SIPA1L1: variants seen among roughly 807,000 people sequenced by gnomAD.
SIPA1L1 encodes signal-induced proliferation-associated 1-like protein 1.
SIPA1L1 carries 26 observed loss-of-function variants against 162.7 expected under a neutral mutation model. That is an observed-to-expected ratio of 0.16 (90% CI 0.12 to 0.22). The LOEUF is 0.22. Among genes scored for constraint, SIPA1L1 ranks in the 10% least tolerant of loss-of-function variants. The pLI is 1.00. For synonymous variants in SIPA1L1, 829 were observed against 837.4 expected, an observed-to-expected ratio of 0.99 and a Z score of 0.17; for missense variants, 1,874 against 2,241.0, an observed-to-expected ratio of 0.84 and a Z score of 3.31.
At chr14:71,621,555 C>G (rs985893480) in intron 6 of SIPA1L1, among the ~76,000 whole-genome samples, 4 of 152,208 alleles carry the variant, frequency 2.6e-5, no homozygotes, top group African/African-American at 2.4e-5. Flanking sequence ...CTTCCTTGAC[C>G]GCTGAATCTA....
In SIPA1L1 at chr14:71,739,237, A is replaced by G; in HGVS notation, c.*76A>G. The stretch of plus-strand genomic sequence containing the variant: ...GTCCTGCAGCCCTTATTCCCTCCAT[A>G]GAAAGCATCCTCAGAGCACCTTCCC... On this transcript the variant is annotated 3_prime_UTR_variant, in exon 24 of 24. Transcript: ENST00000381232. 1 of 1,420,608 alleles carries G rather than the reference A, an allele frequency of 7.0e-7. No individual in the cohort carries two copies. The allele number at this position is 1,420,608 out of a possible 1,614,324, so 88.0% of individuals were successfully genotyped here.
intron 4 of SIPA1L1, among the ~76,000 whole-genome samples, chr14:71,554,459 A>C (rs1254320361): frequency 6.6e-6 from 1 of 152,184 alleles, no homozygotes; most frequent in Non-Finnish European, 1.5e-5. Context: ...GTGAGAAAAG[A>C]TGTTCTTTTT....
intron 2 of SIPA1L1, among the ~76,000 whole-genome samples, chr14:71,446,894 GTTTTTTTTTTTGTTTTT>G (rs1348081347): frequency 6.9e-5 from 6 of 87,404 alleles, no homozygotes; most frequent in African/African-American, 1.7e-4. Context: ...GATGGGCTCT[GTTTTTTTTTTTGTTTTT>G]TTTTTTTTTT....
intron 10 of SIPA1L1, among the ~76,000 whole-genome samples, chr14:71,663,515 G>A (rs1198392519): frequency 1.3e-5 from 2 of 151,942 alleles, no homozygotes; most frequent in Admixed American, 1.3e-4. Context: ...AATATAATTT[G>A]ATATTCCTTG....
At chr14:71,574,779 T>A (rs1596216124) in intron 4 of SIPA1L1, 1 of 152,324 alleles carries the variant, frequency 6.6e-6, no homozygotes, top group East Asian at 1.9e-4. Flanking sequence ...TTGATTAATT[T>A]TTTTTCTAGT....
Position 71,511,099 on chromosome 14 carries a change from G to C in SIPA1L1, c.-464-1644G>C, listed in dbSNP as rs553890755. 2.0e-5 allele frequency among the ~76,000 whole-genome samples: 3 copies of C among 152,282 alleles called. No individual in the cohort carries two copies. In the South Asian group the frequency reaches 6.2e-4, roughly 32 times the overall value. On this transcript the variant is annotated intron_variant, in intron 2 of 23. Coordinates refer to ENST00000381232, the MANE Select transcript of SIPA1L1 (RefSeq NM_001386936.1). Reference sequence around the variant, plus strand: ...GATGCCTTTGTTCCCCAGGTGAATTGAATTAAAGTGCCTTTTTCCTTGTAT... The same window carrying C: ...GATGCCTTTGTTCCCCAGGTGAATTCAATTAAAGTGCCTTTTTCCTTGTAT...
intron 4 of SIPA1L1, among the ~76,000 whole-genome samples, chr14:71,577,069 C>CAA (rs747771194): frequency 0.018 from 1,963 of 111,346 alleles, 24 homozygotes; most frequent in Middle Eastern, 0.033. Context: ...GGTGACAGAG[C>CAA]AAAAAAAAAA....
chr14:71,422,753 C>T (rs2043282251), intron 2 of SIPA1L1, among the ~76,000 whole-genome samples: 1 of 152,242 alleles, frequency 6.6e-6, no homozygotes, highest in Admixed American at 6.5e-5. Flanking sequence ...GTGGCTTCCG[C>T]CTTTTAGCTA....
At chr14:71,329,422 T>A (rs1050366509) in intron 2 of SIPA1L1, among the ~76,000 whole-genome samples, 2 of 148,938 alleles carry the variant, frequency 1.3e-5, no homozygotes, top group African/African-American at 5.1e-5. Context: ...TATTTTCTGT[T>A]TTTTTTTTTT....
At chr14:71,671,788 T>C (rs1385797217) in intron 11 of SIPA1L1, 96 bp downstream of exon 11, 8 of 875,788 alleles carry the variant, frequency 9.1e-6, no homozygotes, top group East Asian at 7.8e-5. Flanking sequence ...TGCTCTGTTA[T>C]TAGCTCCTCT....
At chr14:71,459,046 T>G (rs2046389154) in intron 2 of SIPA1L1, among the ~76,000 whole-genome samples, 1 of 150,468 alleles carries the variant, frequency 6.6e-6, no homozygotes, top group African/African-American at 2.5e-5. Context: ...CATTCCAGCC[T>G]GGGCAACAGA....
intron 2 of SIPA1L1, among the ~76,000 whole-genome samples, chr14:71,333,578 G>C (rs1037765366): frequency 1.3e-5 from 2 of 152,204 alleles, no homozygotes; most frequent in African/African-American, 4.8e-5. Context: ...TGGAAGATTT[G>C]TTCTAGTCCT....
rs773419997 is a variant in SIPA1L1 at position 71,624,054 on chromosome 14, A to G, written c.1636A>G (p.Thr546Ala). The change falls in exon 7 of 24, where the codon ACA (threonine) becomes GCA (alanine). Residue 546 changes from threonine to alanine, a missense_variant. Transcript: ENST00000381232. ...RIIFRTSELM[T>A]LRGSVLEDAI... ...GCACCTGTCTCTCTTGCAGCTCATG[A>G]CACTGAGAGGTTCGGTCCTGGAGGA... 6.2e-7 allele frequency: 1 copy of G among 1,603,394 alleles called. No individual in the cohort carries two copies. The highest frequency in any genetic ancestry group is 1.3e-5 in the African/African-American group (1 of 74,874).
At chr14:71,460,919 C>T (rs1335003513) in intron 2 of SIPA1L1, among the ~76,000 whole-genome samples, 1 of 152,238 alleles carries the variant, frequency 6.6e-6, no homozygotes, top group East Asian at 1.9e-4. Context: ...TTCCACCGTT[C>T]TATCAATCCA....
intron 2 of SIPA1L1, among the ~76,000 whole-genome samples, chr14:71,390,626 G>GA (rs1303527781): frequency 2.0e-5 from 3 of 151,212 alleles, no homozygotes; most frequent in Admixed American, 1.3e-4. Context: ...AAAAAAAGAA[G>GA]AAAAAAAAAT....
intron 12 of SIPA1L1, among the ~76,000 whole-genome samples, chr14:71,676,679 A>G (rs1469627156): frequency 7.6e-6 from 1 of 131,012 alleles, no homozygotes; most frequent in Admixed American, 9.2e-5. Context: ...CCTGTGTCCA[A>G]GTGTTCTCAT....
chr14:71,637,287 T>A (rs1052781604), intron 7 of SIPA1L1, among the ~76,000 whole-genome samples: 1 of 152,096 alleles, frequency 6.6e-6, no homozygotes, highest in African/African-American at 2.4e-5. Context: ...CAGTCAACTG[T>A]GCTCTAAAAA....
intron 10 of SIPA1L1, among the ~76,000 whole-genome samples, chr14:71,665,047 C>T (rs1285201388): frequency 2.0e-5 from 3 of 152,158 alleles, no homozygotes; most frequent in African/African-American, 4.8e-5. Context: ...TAGAGGCCTC[C>T]AGAATGCTAG....
chr14:71,481,942 T>C (rs910887382), intron 2 of SIPA1L1, among the ~76,000 whole-genome samples: 1 of 152,258 alleles, frequency 6.6e-6, no homozygotes, highest in Non-Finnish European at 1.5e-5. Context: ...GACATCTCTT[T>C]ATAGATATAT....
Sources: gnomAD v4.1 joint callset for allele counts (sites outside exome capture counted in the v4.1 genomes callset) on GRCh38, gnomAD v4.1.1 for gene constraint, MANE v1.5 for transcripts, NCBI Gene and HGNC (gene_info 2026-07-23, HGNC 2026-07-21) for gene names.